DMBT1: variants seen among roughly 807,000 people sequenced by gnomAD.
The protein encoded by DMBT1 is scavenger receptor cysteine-rich domain-containing protein DMBT1.
DMBT1 carries 198 observed loss-of-function variants against 252.9 expected under a neutral mutation model. That is an observed-to-expected ratio of 0.78 (90% CI 0.70 to 0.88). The LOEUF (loss-of-function observed/expected upper bound fraction) is 0.88. DMBT1 is among the 40% of genes least tolerant of loss of function. The pLI is 0.00. For synonymous variants in DMBT1, 990 were observed against 942.7 expected (o/e 1.05, Z -0.92); for missense variants, 2,432 against 2,404.7 (o/e 1.01, Z -0.24).
At chr10:122,578,812 C>G in intron 9 of DMBT1, 53 bp downstream of exon 9, 1 of 1,508,620 alleles carries the variant, frequency 6.6e-7, no homozygotes, top group Admixed American at 1.8e-5. Flanking sequence ...TCTGGATACA[C>G]TTTGGATTTC....
chr10:122,577,932 GA>G, intron 8 of DMBT1, 92 bp downstream of exon 8: 1 of 1,398,242 alleles, frequency 7.2e-7, no homozygotes, highest in South Asian at 1.2e-5. Context: ...CTTCTCTGCA[GA>G]TACTCTGGGG....
At position 122,637,187 on chromosome 10, in the gene DMBT1, T is replaced by C. The variant is rs753598762; in HGVS notation, c.6817T>C (p.Leu2273=). The change falls in exon 54 of 56, where the codon TTG becomes CTG. Residue 2273 remains leucine (L), a synonymous_variant. Transcript: ENST00000338354. ...ASVSRSYLQS[L]GFSASDLVIS... ...TGTGAGCAGGAGCTATCTCCAATCC[T>C]TGGGCTTTTCTGCCAGTGACCTTGT... is the stretch of plus-strand genomic sequence containing the variant. 6.2e-7 allele frequency: 1 copy of C among 1,614,040 alleles called. No homozygotes were observed. The highest frequency in any genetic ancestry group is 1.7e-5 in the Admixed American group (1 of 60,030).
At position 122,618,104 on chromosome 10, in the gene DMBT1, G is replaced by C; in HGVS notation, c.4979G>C (p.Gly1660Ala). ...GAGGTCCTATACCAAGGCTCCTGGGGCACCGTGTGTGATGACTACTGGGAC... is the reference window on the plus strand; with the variant it reads ...GAGGTCCTATACCAAGGCTCCTGGGCCACCGTGTGTGATGACTACTGGGAC... ...RVEVLYQGSW[G>A]TVCDDYWDTN... The change falls in exon 41 of 56, where the codon GGC becomes GCC. Residue 1660 changes from glycine to alanine, a missense_variant. Physicochemically the swap from Gly to Ala is moderately conservative, Grantham distance 60. Coordinates refer to ENST00000338354, the MANE Select transcript of DMBT1 (RefSeq NM_001377530.1). 6.2e-7 allele frequency: 1 copy of C among 1,613,890 alleles called. No individual in the cohort carries two copies.
In DMBT1 at chr10:122,590,542, C is replaced by T. The variant is rs984632155; in HGVS notation, c.2108-123C>T. ...TTGTGGGGACGTGCATGGCAATGCC[C>T]CTCCCTCTGTGATGGGGACATAGGG... On this transcript the variant is annotated intron_variant, in intron 17 of 55. Transcript: ENST00000338354. 8.1e-6 allele frequency: 10 copies of T among 1,235,070 alleles called. 1 individual carries two copies. In the Admixed American group the frequency reaches 1.7e-4, roughly 21 times the overall value. 76.5% of individuals were successfully genotyped at this position (1,235,070 alleles called of 1,614,324 possible). A position where few individuals can be genotyped will look rare whatever the true frequency, so the allele number is the denominator to read the frequency against.
chr10:122,592,225 T>G lies in DMBT1; in HGVS notation c.2177-47T>G, dbSNP rs781308357. 13 of 1,577,890 alleles carry G rather than the reference T, an allele frequency of 8.2e-6. 1 individual carries two copies. The highest frequency in any genetic ancestry group is 2.2e-4 in the Middle Eastern group (1 of 4,506). On this transcript the variant is annotated intron_variant, in intron 19 of 55. Transcript: ENST00000338354. ...TGAGTGTGGAACGTGCCTTAGATCCTTACCTCATGGTAGGGATGGATAAAG... is the reference window on the plus strand; with the variant it reads ...TGAGTGTGGAACGTGCCTTAGATCCGTACCTCATGGTAGGGATGGATAAAG...
Position 122,630,392 on chromosome 10 carries a change from T to G in DMBT1, c.5927T>G (p.Ile1976Arg), listed in dbSNP as rs781407132. 5.0e-6 allele frequency: 8 copies of G among 1,613,972 alleles called. No homozygotes were observed. The highest frequency in any genetic ancestry group is 3.3e-5 in the Admixed American group (2 of 60,022). The change falls in exon 48 of 56, where the codon ATA becomes AGA. Residue 1976 changes from isoleucine (I) to arginine (R), a missense_variant. By Grantham distance (97) the Ile-to-Arg change is moderately conservative. Coordinates refer to ENST00000338354, the MANE Select transcript of DMBT1 (RefSeq NM_001377530.1). ...LGKICNDTRQ[I>R]FTSSYNRMTI... Reference sequence around the variant, plus strand: ...AAAATCTGTAATGATACCAGGCAAATATTTACATCTTCTTACAACCGAATG... The same window carrying G: ...AAAATCTGTAATGATACCAGGCAAAGATTTACATCTTCTTACAACCGAATG...
chr10:122,578,823 A>C, intron 9 of DMBT1, 64 bp downstream of exon 9: 4 of 1,469,964 alleles, frequency 2.7e-6, no homozygotes, highest in African/African-American at 1.4e-5. Flanking sequence ...TTTGGATTTC[A>C]TAGTTCACTT....
chr10:122,598,173 G>T (rs2133602135), intron 25 of DMBT1, among the ~76,000 whole-genome samples, 161 bp downstream of exon 25: 1 of 152,252 alleles, frequency 6.6e-6, no homozygotes, highest in East Asian at 1.9e-4. Flanking sequence ...CCAGCTCTGG[G>T]TCTGATGTTG....
intron 3 of DMBT1, 54 bp downstream of exon 3, chr10:122,570,263 G>A: frequency 2.2e-6 from 3 of 1,356,076 alleles, no homozygotes; most frequent in Non-Finnish European, 3.2e-6. Flanking sequence ...TGCACCCCTA[G>A]GTTCATCTCT....
rs773657453 is a variant in DMBT1 at position 122,579,906 on chromosome 10, G to T, written c.1003+5G>T. 5.0e-6 allele frequency: 8 copies of T among 1,613,804 alleles called. No individual in the cohort carries two copies. Among genetic ancestry groups the T allele is most frequent in the Non-Finnish European group, 6.8e-6 (8 of 1,179,762 alleles). ...ACGCTGGTGTCATCTGCTCAGGTGG[G>T]CCTTCAAGAACTTGGGCTCACTCTC... is the stretch of plus-strand genomic sequence containing the variant. On this transcript the variant is annotated splice_donor_5th_base_variant and intron_variant, in intron 10 of 55. Coordinates refer to ENST00000338354, the MANE Select transcript of DMBT1 (RefSeq NM_001377530.1).
chr10:122,618,261 T>C lies in DMBT1; in HGVS notation c.5136T>C (p.Ser1712=), dbSNP rs547970500. The C allele has an allele frequency of 1.6e-5, 26 of 1,613,650 alleles. No homozygotes were observed. Among genetic ancestry groups the C allele is most frequent in the African/African-American group, 4.0e-5 (3 of 74,910 alleles). ...LDDVRCSGHE[S]YLWSCPHNGW... ...ATGTGCGCTGCTCAGGACACGAGTC[T>C]TACCTGTGGAGCTGCCCCCACAATG... is the stretch of plus-strand genomic sequence containing the variant. Residue 1712 remains serine, a synonymous_variant, in exon 41 of 56, where the codon TCT becomes TCC. Transcript: ENST00000338354.
In DMBT1 at chr10:122,589,077, C is replaced by T. The variant is rs548073098; in HGVS notation, c.1917C>T (p.Val639=). ...GGGACACCAATGATGCCAATGTGGTCTGCAGGCAGCTGGGCTGTGGCTGGG... is the reference window on the plus strand; with the variant it reads ...GGGACACCAATGATGCCAATGTGGTTTGCAGGCAGCTGGGCTGTGGCTGGG... The part of the protein sequence containing the change: ...DSWDTNDANV[V]CRQLGCGWAT... Residue 639 remains valine (V), a synonymous_variant, in exon 17 of 56, where the codon GTC becomes GTT. Transcript: ENST00000338354. The T allele has an allele frequency of 3.6e-5, 57 of 1,588,806 alleles. 10 individuals carry two copies. In the South Asian group the frequency reaches 5.8e-4, roughly 16 times the overall value.
At chr10:122,620,550 G>A (rs768994680) in intron 43 of DMBT1, among the ~76,000 whole-genome samples, 1 of 152,224 alleles carries the variant, frequency 6.6e-6, no homozygotes, top group Non-Finnish European at 1.5e-5. Flanking sequence ...GACAAGCCCT[G>A]GAGGGCTCCC....
At chr10:122,573,569 G>C in intron 5 of DMBT1, 146 bp from the exon 6 acceptor site, 1 of 990,404 alleles carries the variant, frequency 1.0e-6, no homozygotes, top group Non-Finnish European at 1.6e-6. Context: ...ATGACAAAGC[G>C]ATTGGCACAT....
chr10:122,598,735 T>G (rs2097909800), intron 25 of DMBT1, 39 bp from the exon 26 acceptor site: 2 of 1,612,092 alleles, frequency 1.2e-6, no homozygotes, highest in African/African-American at 1.3e-5. Context: ...CCTGACCTCA[T>G]GATAGGGATG....
At chr10:122,563,838 C>T (rs1192375666) in intron 1 of DMBT1, among the ~76,000 whole-genome samples, 1 of 152,198 alleles carries the variant, frequency 6.6e-6, no homozygotes, top group African/African-American at 2.4e-5. Flanking sequence ...ATGAGTTCGA[C>T]TGCCATGGGA....
intron 46 of DMBT1, 143 bp from the exon 47 acceptor site, chr10:122,629,697 G>A (rs1231085632): frequency 3.0e-6 from 3 of 997,324 alleles, no homozygotes; most frequent in African/African-American, 3.3e-5. Flanking sequence ...CCAGGCCCAA[G>A]AGAGGGGACT....
In DMBT1 at chr10:122,621,642, A is replaced by AG. The variant is rs370054057; in HGVS notation, c.5608+262_5608+263insG. The stretch of plus-strand genomic sequence containing the variant: ...GTGCAAGGAAGAGGCAGAAGAAAAA[A>AG]TTTCTGGCTCCCCAGGGCTCCATTT... On this transcript the variant is annotated intron_variant, in intron 44 of 55. Transcript: ENST00000338354. 1.4e-3 allele frequency among the ~76,000 whole-genome samples: 218 copies of AG among 152,260 alleles called. 1 individual carries two copies. The highest frequency in any genetic ancestry group is 4.8e-3 in the African/African-American group (200 of 41,552).
rs770990019 is a variant in DMBT1 at position 122,618,340 on chromosome 10, G to T, written c.5215G>T (p.Ala1739Ser). The T allele has an allele frequency of 5.0e-5, 81 of 1,613,754 alleles. No individual in the cohort carries two copies. The highest frequency in any genetic ancestry group is 3.7e-4 in the South Asian group (34 of 91,080). The change falls in exon 41 of 56, where the codon GCT (alanine) becomes TCT (serine). Residue 1739 changes from alanine to serine, a missense_variant and splice_region_variant. Ala to Ser is a moderately conservative substitution (Grantham distance 99). Around this residue, in one of 3 missense-constraint regions of DMBT1, gnomAD observed 1,162 missense variants for 1,169.0 expected, o/e 0.99. Transcript: ENST00000338354. ...HHEDAGVICS[A>S]AQSQSTPRPD... ...TGAAGATGCTGGTGTCATCTGCTCA[G>T]GTGGGCTTTCAAGACCTTGGGCTCC...
Sources: allele counts gnomAD v4.1 joint callset (sites outside exome capture counted in the v4.1 genomes callset), GRCh38; gene constraint gnomAD v4.1.1; regional missense constraint gnomAD v4.1.1; transcripts MANE v1.5; gene names NCBI Gene and HGNC (gene_info 2026-07-23, HGNC 2026-07-21).